The following HDAC1 variants were observed in gnomAD, a reference collection of about 807,000 sequenced individuals.
HDAC1 encodes histone deacetylase 1, also known as protein deacetylase HDAC1.
A neutral mutation model predicts 65.5 loss-of-function variants in HDAC1; 18 were observed. That is an observed-to-expected ratio of 0.27 (90% CI 0.19 to 0.41). The LOEUF (loss-of-function observed/expected upper bound fraction) is 0.41, where lower values mean the gene tolerates loss of function less well. Among genes scored for constraint, HDAC1 ranks in the 10% least tolerant of loss-of-function variants. The pLI is 1.00. For synonymous variants in HDAC1, 211 were observed against 227.9 expected (o/e 0.93, Z 0.67); for missense variants, 373 against 625.2 (o/e 0.60, Z 4.30).
At chr1:32,332,322 C>T in intron 12 of HDAC1, 80 bp downstream of exon 12, 1 of 1,354,614 alleles carries the variant, frequency 7.4e-7, no homozygotes. Context: ...GAGGGAGTGA[C>T]TCAGGCCCTG....
intron 4 of HDAC1, 87 bp downstream of exon 4, chr1:32,324,640 C>G (rs1314029322): frequency 1.1e-5 from 10 of 889,498 alleles, no homozygotes; most frequent in Non-Finnish European, 1.7e-5. Context: ...GTTGGCTGAT[C>G]TGAAACCATG....
chr1:32,326,082 A>G (rs1641213547), intron 4 of HDAC1, among the ~76,000 whole-genome samples: 1 of 152,048 alleles, frequency 6.6e-6, no homozygotes, highest in Non-Finnish European at 1.5e-5. Flanking sequence ...ATGGGTGTGT[A>G]TTTATCTTTT....
At chr1:32,293,178 C>T (rs1383431949) in intron 1 of HDAC1, among the ~76,000 whole-genome samples, 2 of 150,988 alleles carry the variant, frequency 1.3e-5, no homozygotes, top group Non-Finnish European at 3.0e-5. Flanking sequence ...AAATTAGCCG[C>T]GCATGGTGGT....
chr1:32,310,571 C>T (rs905050945), intron 2 of HDAC1, among the ~76,000 whole-genome samples: 2 of 152,016 alleles, frequency 1.3e-5, no homozygotes, highest in African/African-American at 2.4e-5. Context: ...AAAGACAGGC[C>T]GGGCGCAGTG....
chr1:32,297,990 C>T lies in HDAC1; in HGVS notation c.50-4631C>T, dbSNP rs1005865106. Among the ~76,000 whole-genome samples the T allele has an allele frequency of 9.9e-5, 15 of 151,722 alleles. No homozygotes were observed. In the East Asian group the frequency reaches 1.2e-3, roughly 12 times the overall value. On this transcript the variant is annotated intron_variant, in intron 1 of 13. Transcript: ENST00000373548. ...ATTTTTAGTAGAGACGGGGTTTCACCGTGTTAGCCAGGATGGTCTCCATCT... is the reference window on the plus strand; with the variant it reads ...ATTTTTAGTAGAGACGGGGTTTCACTGTGTTAGCCAGGATGGTCTCCATCT...
At chr1:32,332,651 G>A in intron 12 of HDAC1, 50 bp from the exon 13 acceptor site, 1 of 1,400,402 alleles carries the variant, frequency 7.1e-7, no homozygotes, top group Middle Eastern at 1.8e-4. Flanking sequence ...GACCTCATGG[G>A]TCTTCCCAGA....
At chr1:32,311,313 C>T (rs932430772) in intron 2 of HDAC1, among the ~76,000 whole-genome samples, 12 of 152,144 alleles carry the variant, frequency 7.9e-5, no homozygotes, top group African/African-American at 2.9e-4. Flanking sequence ...ACTAAAAATA[C>T]AAAAATTAGC....
chr1:32,316,640 G>T, intron 2 of HDAC1, 25 bp from the exon 3 acceptor site: 1 of 1,371,722 alleles, frequency 7.3e-7, no homozygotes, highest in South Asian at 1.2e-5. Context: ...AAAATAACTT[G>T]CCCTTTCTCC....
At chr1:32,326,460 T>C (rs1264287462) in intron 4 of HDAC1, among the ~76,000 whole-genome samples, 1 of 152,080 alleles carries the variant, frequency 6.6e-6, no homozygotes, top group Non-Finnish European at 1.5e-5. Flanking sequence ...CCACCGCGCA[T>C]GGCCTATCTT....
chr1:32,313,525 A>G (rs1641019111), intron 2 of HDAC1, among the ~76,000 whole-genome samples: 1 of 152,218 alleles, frequency 6.6e-6, no homozygotes, highest in Non-Finnish European at 1.5e-5. Flanking sequence ...ATCATATGAG[A>G]TAGCGTTTAA....
rs934412808 is a variant in HDAC1, at chr1:32,321,892, G to A, written c.281-2587G>A. ...AGTTGCCAATGGATAAACAGCCGGG[G>A]CCCAGGGACCAAAGTTCTTATTTAC... On this transcript the variant is annotated intron_variant, in intron 3 of 13. Coordinates refer to ENST00000373548, the MANE Select transcript of HDAC1 (RefSeq NM_004964.3). 1.2e-4 allele frequency among the ~76,000 whole-genome samples: 19 copies of A among 152,096 alleles called. 1 individual carries two copies. The highest frequency in any genetic ancestry group is 3.9e-4 in the African/African-American group (16 of 41,418).
intron 3 of HDAC1, 125 bp downstream of exon 3, chr1:32,316,907 A>C: frequency 2.9e-6 from 2 of 692,266 alleles, no homozygotes; most frequent in Non-Finnish European, 2.6e-6. Context: ...CTACCTCCTA[A>C]AGGTGCCAGA....
In HDAC1 at chr1:32,330,322, G is replaced by A; in HGVS notation, c.730-256G>A. 2.2e-6 allele frequency: 1 copy of A among 458,632 alleles called. No homozygotes were observed. The highest frequency in any genetic ancestry group is 4.2e-5 in the East Asian group (1 of 24,032). The allele number at this position is 458,632 out of a possible 1,614,324, so 28.4% of individuals were successfully genotyped here. A position where few individuals can be genotyped will look rare whatever the true frequency, so the allele number is the denominator to read the frequency against. ...GCTTGGGCAACAGAAGAGACTTAGG[G>A]AGTTGAGAGGGAGGCCATTCTAGGT... is the stretch of plus-strand genomic sequence containing the variant. On this transcript the variant is annotated intron_variant, in intron 7 of 13. Coordinates refer to ENST00000373548, the MANE Select transcript of HDAC1 (RefSeq NM_004964.3). The surrounding 1 kb of genome is among the most constrained non-coding windows in gnomAD (Gnocchi z 4.2).
intron 2 of HDAC1, among the ~76,000 whole-genome samples, chr1:32,309,094 G>A (rs1640951644): frequency 6.6e-6 from 1 of 152,050 alleles, no homozygotes; most frequent in Non-Finnish European, 1.5e-5. Flanking sequence ...TTATAGGCAT[G>A]AGCCACCACG....
chr1:32,292,418 T>A (rs1640709839), intron 1 of HDAC1, 200 bp downstream of exon 1: 5 of 984,840 alleles, frequency 5.1e-6, no homozygotes, highest in Non-Finnish European at 6.0e-6. Flanking sequence ...CAAGAGGGGA[T>A]CGCGTGGGGG....
intron 1 of HDAC1, 36 bp downstream of exon 1, chr1:32,292,254 C>G (rs1432015392): frequency 7.1e-6 from 11 of 1,545,714 alleles, no homozygotes; most frequent in Non-Finnish European, 8.7e-6. Context: ...CGGGGCCAGG[C>G]CGGGCCGGAC....
At chr1:32,315,811 CA>C (rs765384869) in intron 2 of HDAC1, among the ~76,000 whole-genome samples, 13 of 147,440 alleles carry the variant, frequency 8.8e-5, no homozygotes, top group Non-Finnish European at 1.5e-4. Context: ...ACTAAAAATA[CA>C]AAAATTAGCC....
Position 32,329,034 on chromosome 1 carries a change from C to T in HDAC1, c.637-34C>T, listed in dbSNP as rs1641256293. ...TCCTTGACCTTCCTTCAAGCTTCAT[C>T]CTTCAGTTTTACTTTAATGGCCTTT... On this transcript the variant is annotated intron_variant, in intron 6 of 13. Transcript: ENST00000373548. The surrounding 1 kb of genome is among the most constrained non-coding windows in gnomAD (Gnocchi z 4.1). 1 of 1,275,076 alleles carries T rather than the reference C, an allele frequency of 7.8e-7. No individual in the cohort carries two copies. The highest frequency in any genetic ancestry group is 1.1e-6 in the Non-Finnish European group (1 of 871,330). The allele number at this position is 1,275,076 out of a possible 1,614,324, so 79.0% of individuals were successfully genotyped here.
chr1:32,295,069 T>C (rs1640749746), intron 1 of HDAC1, among the ~76,000 whole-genome samples: 1 of 151,996 alleles, frequency 6.6e-6, no homozygotes, highest in South Asian at 2.1e-4. Context: ...AGATAGAAAT[T>C]TTTTGGTAGT....
Sources: gnomAD v4.1 joint callset for allele counts (sites outside exome capture counted in the v4.1 genomes callset) on GRCh38, gnomAD v4.1.1 for gene constraint, Gnocchi (gnomAD v3.1) non-coding constraint, MANE v1.5 for transcripts, NCBI Gene and HGNC (gene_info 2026-07-23, HGNC 2026-07-21) for gene names.